The following SGCZ variants were observed in gnomAD, a reference collection of about 807,000 sequenced individuals.
SGCZ encodes the protein zeta-sarcoglycan.
Under a neutral mutation model 41.3 loss-of-function variants are expected in SGCZ, and 40 were observed. That is an observed-to-expected ratio of 0.97 (90% CI 0.75 to 1.26). The LOEUF (loss-of-function observed/expected upper bound fraction) is 1.26, where lower values mean the gene tolerates loss of function less well. Among genes scored for constraint, SGCZ ranks in the 50% most tolerant of loss-of-function variants. The probability of loss-of-function intolerance (pLI) is 0.00; values close to 1 mark genes in which losing one functional copy is unlikely to be tolerated. For missense variants in SGCZ, 552 were observed against 369.8 expected, an observed-to-expected ratio of 1.49 and a Z score of -4.04; for synonymous variants, 206 against 137.5, an observed-to-expected ratio of 1.50 and a Z score of -3.49.
intron 3 of SGCZ, among the ~76,000 whole-genome samples, chr8:14,263,963 T>A (rs1159735049): frequency 2.0e-5 from 3 of 152,110 alleles, no homozygotes; most frequent in Admixed American, 1.3e-4. Flanking sequence ...TTGGGCAGAA[T>A]CCCACAACCT....
chr8:14,379,062 T>C (rs979429159), intron 2 of SGCZ, among the ~76,000 whole-genome samples: 8 of 152,160 alleles, frequency 5.3e-5, no homozygotes, highest in Non-Finnish European at 5.9e-5. Context: ...TTCACTTATA[T>C]GGGGAAAAAA....
chr8:14,752,906 A>G (rs911010359), intron 1 of SGCZ, among the ~76,000 whole-genome samples: 1 of 152,238 alleles, frequency 6.6e-6, no homozygotes, highest in Non-Finnish European at 1.5e-5. Context: ...GATAAATGAT[A>G]GTCTGAGTCA....
chr8:14,150,367 A>G (rs1294552659), intron 5 of SGCZ, among the ~76,000 whole-genome samples: 2 of 152,172 alleles, frequency 1.3e-5, no homozygotes, highest in African/African-American at 2.4e-5. Flanking sequence ...AAAAATGGGC[A>G]AAAGAATAGA....
intron 1 of SGCZ, among the ~76,000 whole-genome samples, chr8:14,938,247 A>G (rs1286171986): frequency 6.6e-6 from 1 of 152,188 alleles, no homozygotes; most frequent in Non-Finnish European, 1.5e-5. Context: ...AAAACAGTAG[A>G]GGAAGATATG....
chr8:14,264,578 C>G (rs1799807668), intron 3 of SGCZ, among the ~76,000 whole-genome samples: 1 of 152,124 alleles, frequency 6.6e-6, no homozygotes, highest in African/African-American at 2.4e-5. Flanking sequence ...GGGCTTAGAG[C>G]ATTATCTGGC....
chr8:14,762,128 C>T (rs1799903117), intron 1 of SGCZ, among the ~76,000 whole-genome samples: 1 of 152,134 alleles, frequency 6.6e-6, no homozygotes, highest in African/African-American at 2.4e-5. Context: ...GTTCTATCTA[C>T]TTCTAATAGA....
At chr8:14,273,031 A>G (rs1007663382) in intron 3 of SGCZ, among the ~76,000 whole-genome samples, 1 of 152,014 alleles carries the variant, frequency 6.6e-6, no homozygotes, top group East Asian at 1.9e-4. Context: ...AAATTTCTTA[A>G]TAACAACTAA....
chr8:14,912,596 C>G (rs1400573360), intron 1 of SGCZ, among the ~76,000 whole-genome samples: 5 of 151,926 alleles, frequency 3.3e-5, no homozygotes, highest in African/African-American at 4.8e-5. Context: ...ACTTGTCAAA[C>G]AATATTTCTA....
intron 4 of SGCZ, among the ~76,000 whole-genome samples, chr8:14,232,709 G>A (rs756824732): frequency 1.5e-4 from 23 of 151,826 alleles, no homozygotes; most frequent in East Asian, 7.7e-4. Flanking sequence ...CCATTAACTC[G>A]TCATTTAGCA....
chr8:14,923,415 G>A (rs796427596), intron 1 of SGCZ, among the ~76,000 whole-genome samples: 28 of 152,266 alleles, frequency 1.8e-4, no homozygotes, highest in African/African-American at 3.4e-4. Flanking sequence ...AACAGAAGTC[G>A]GATGTGCAGA....
At position 14,933,036 on chromosome 8, in the gene SGCZ, A is replaced by G. The variant is rs962958124; in HGVS notation, c.39+304549T>C. Among the ~76,000 whole-genome samples, 6 of 151,968 alleles carry G rather than the reference A, an allele frequency of 3.9e-5. 1 individual carries two copies. Among genetic ancestry groups the G allele is most frequent in the African/African-American group, 9.7e-5 (4 of 41,290 alleles). Reference sequence around the variant, plus strand: ...GGCACAGAGATGGAAACAAGAGACAATGGGGACTATGACAGCAGGGAGGGC... The same window carrying G: ...GGCACAGAGATGGAAACAAGAGACAGTGGGGACTATGACAGCAGGGAGGGC... On this transcript the variant is annotated intron_variant, in intron 1 of 7. Coordinates refer to ENST00000382080, the MANE Select transcript of SGCZ (RefSeq NM_139167.4).
At chr8:14,938,450 A>T (rs6995976) in intron 1 of SGCZ, among the ~76,000 whole-genome samples, 29,925 of 152,130 alleles carry the variant, frequency 0.2, 3,544 homozygotes, top group East Asian at 0.34. Flanking sequence ...ATTCACTTCC[A>T]CTCAATGAAT....
chr8:14,768,422 C>T (rs1800114049), intron 1 of SGCZ, among the ~76,000 whole-genome samples: 1 of 152,120 alleles, frequency 6.6e-6, no homozygotes. Context: ...TACCTTAACA[C>T]TGAAGAATGA....
chr8:14,469,574 T>C (rs1240536606), intron 2 of SGCZ, among the ~76,000 whole-genome samples: 1 of 152,060 alleles, frequency 6.6e-6, no homozygotes, highest in Non-Finnish European at 1.5e-5. Flanking sequence ...TGAAGTGGTG[T>C]CTCTTTGTAC....
chr8:14,604,982 C>G (rs1805703538), intron 1 of SGCZ, among the ~76,000 whole-genome samples: 1 of 152,118 alleles, frequency 6.6e-6, no homozygotes, highest in African/African-American at 2.4e-5. Flanking sequence ...TGTTATATGA[C>G]CATTTACTGT....
rs573147615 is a variant in SGCZ at position 14,087,716 on chromosome 8, A to T, written c.*2727T>A. Among the ~76,000 whole-genome samples, 379 of 135,900 alleles carry T rather than the reference A, an allele frequency of 2.8e-3. 1 individual carries two copies. Among genetic ancestry groups the T allele is most frequent in the African/African-American group, 9.7e-3 (331 of 34,022 alleles). The allele number at this position is 135,900 out of a possible 152,430, so 89.2% of individuals were successfully genotyped here. ...CAATTAAGGGACCACTATATTTTTA[A>T]AAAAAAAAAAATGCTTTTTTGTGTT... On this transcript the variant is annotated 3_prime_UTR_variant, in exon 8 of 8. Coordinates refer to ENST00000382080, the MANE Select transcript of SGCZ (RefSeq NM_139167.4).
chr8:14,945,506 TTGGATCAAGA>T (rs1411045444), intron 1 of SGCZ, among the ~76,000 whole-genome samples: 1 of 152,022 alleles, frequency 6.6e-6, no homozygotes, highest in African/African-American at 2.4e-5. Flanking sequence ...AAATTCTATT[TTGGATCAAGA>T]CTACTATGGT....
At chr8:14,984,570 C>T (rs1172859490) in intron 1 of SGCZ, among the ~76,000 whole-genome samples, 1 of 151,876 alleles carries the variant, frequency 6.6e-6, no homozygotes, top group Non-Finnish European at 1.5e-5. Context: ...TTTGTTGCTG[C>T]AACCACACAA....
intron 1 of SGCZ, among the ~76,000 whole-genome samples, chr8:15,058,355 A>T (rs1420334247): frequency 1.3e-5 from 2 of 152,140 alleles, no homozygotes; most frequent in Non-Finnish European, 1.5e-5. Context: ...AGTTAAGCTG[A>T]ATCACATTCT....
Sources: allele counts gnomAD v4.1 joint callset (sites outside exome capture counted in the v4.1 genomes callset), GRCh38; gene constraint gnomAD v4.1.1; transcripts MANE v1.5; gene names NCBI Gene and HGNC (gene_info 2026-07-23, HGNC 2026-07-21).